Variants in WWOX observed in about 807,000 individuals in gnomAD.
The protein encoded by WWOX is WW domain-containing oxidoreductase.
Under a neutral mutation model 46.2 loss-of-function variants are expected in WWOX, and 69 were observed. The ratio of observed to expected loss-of-function variants is 1.49; its 90% confidence interval spans 1.23 to 1.82. The LOEUF (loss-of-function observed/expected upper bound fraction) is 1.82, where lower values mean the gene tolerates loss of function less well. Ranked by LOEUF, WWOX falls within the 40% of genes most tolerant of loss-of-function variation. The pLI is 0.00. For missense variants in WWOX, 919 were observed against 542.6 expected, an observed-to-expected ratio of 1.69 and a Z score of -6.89; for synonymous variants, 359 against 202.6, an observed-to-expected ratio of 1.77 and a Z score of -6.56.
chr16:79,165,925 C>G (rs958774664), intron 8 of WWOX, among the ~76,000 whole-genome samples: 3 of 152,192 alleles, frequency 2.0e-5, no homozygotes, highest in Non-Finnish European at 2.9e-5. Flanking sequence ...AACTCAATTA[C>G]CAGCCCTCTC....
intron 8 of WWOX, among the ~76,000 whole-genome samples, chr16:79,032,214 A>T (rs966911507): frequency 6.8e-6 from 1 of 146,200 alleles, no homozygotes; most frequent in African/African-American, 2.5e-5. Context: ...ATGTATATAC[A>T]CATATGTATA....
chr16:79,128,660 A>G (rs958024884), intron 8 of WWOX, among the ~76,000 whole-genome samples: 1 of 152,214 alleles, frequency 6.6e-6, no homozygotes, highest in African/African-American at 2.4e-5. Context: ...CACTCAACTG[A>G]GGAATTCTAA....
chr16:78,853,838 G>A (rs1337296543), intron 8 of WWOX, among the ~76,000 whole-genome samples: 2 of 152,110 alleles, frequency 1.3e-5, no homozygotes, highest in Non-Finnish European at 2.9e-5. Flanking sequence ...GAAGCCCTCA[G>A]CAATAGATCT....
At chr16:79,079,094 C>G (rs1039395390) in intron 8 of WWOX, among the ~76,000 whole-genome samples, 1 of 152,194 alleles carries the variant, frequency 6.6e-6, no homozygotes. Context: ...AAAATGACTT[C>G]TTGTTCATGT....
At chr16:78,576,376 G>T (rs956891621) in intron 8 of WWOX, among the ~76,000 whole-genome samples, 1 of 152,174 alleles carries the variant, frequency 6.6e-6, no homozygotes, top group Non-Finnish European at 1.5e-5. Context: ...GACATAGCTT[G>T]GTTTAGCATA....
At chr16:78,618,698 G>C (rs1177000409) in intron 8 of WWOX, among the ~76,000 whole-genome samples, 1 of 152,054 alleles carries the variant, frequency 6.6e-6, no homozygotes, top group Admixed American at 6.6e-5. Flanking sequence ...AATAAAGCTA[G>C]AGTTGCTTTC....
intron 8 of WWOX, among the ~76,000 whole-genome samples, chr16:78,528,981 T>A (rs893741967): frequency 6.7e-6 from 1 of 150,008 alleles, no homozygotes; most frequent in East Asian, 2.0e-4. Flanking sequence ...TTAGGGAGGG[T>A]CTGGCTGTAT....
intron 8 of WWOX, among the ~76,000 whole-genome samples, chr16:78,713,342 T>G (rs936338028): frequency 4.1e-5 from 6 of 144,734 alleles, no homozygotes; most frequent in Admixed American, 1.4e-4. Context: ...GGGCATGGTG[T>G]GAGCTGGAGT....
intron 5 of WWOX, among the ~76,000 whole-genome samples, chr16:78,374,566 T>A (rs1386703586): frequency 2.6e-4 from 33 of 126,264 alleles, no homozygotes; most frequent in Admixed American, 8.3e-4. Flanking sequence ...TTTTTTTTTT[T>A]AAGGCAGAGT....
chr16:78,205,739 C>A (rs1489389359), intron 5 of WWOX, among the ~76,000 whole-genome samples: 3 of 152,046 alleles, frequency 2.0e-5, no homozygotes, highest in African/African-American at 7.2e-5. Context: ...TTGTTTTCTT[C>A]CTTCTATCCA....
intron 1 of WWOX, among the ~76,000 whole-genome samples, chr16:78,103,109 C>T (rs900858673): frequency 2.6e-5 from 4 of 152,156 alleles, no homozygotes; most frequent in African/African-American, 9.7e-5. Flanking sequence ...GCTGCCTGGC[C>T]TTTCTCCCAT....
At chr16:78,932,299 T>C (rs1039748681) in intron 8 of WWOX, among the ~76,000 whole-genome samples, 7 of 152,184 alleles carry the variant, frequency 4.6e-5, no homozygotes, top group Non-Finnish European at 1.0e-4. Context: ...AAGTGCTTCT[T>C]GTACTGACCA....
intron 8 of WWOX, among the ~76,000 whole-genome samples, chr16:79,003,275 A>T (rs768792969): frequency 6.6e-6 from 1 of 152,182 alleles, no homozygotes; most frequent in Non-Finnish European, 1.5e-5. Context: ...ATGAAACTGA[A>T]AGGCAATCAA....
At chr16:78,488,516 A>G (rs1332901447) in intron 8 of WWOX, among the ~76,000 whole-genome samples, 1 of 152,144 alleles carries the variant, frequency 6.6e-6, no homozygotes, top group African/African-American at 2.4e-5. Flanking sequence ...TGGATTTACC[A>G]TTGTGGCATC....
intron 8 of WWOX, among the ~76,000 whole-genome samples, chr16:78,899,841 A>C (rs1033872119): frequency 1.3e-5 from 2 of 152,162 alleles, no homozygotes; most frequent in Admixed American, 6.5e-5. Flanking sequence ...GTTTTGTTCC[A>C]CTGGCTCCTA....
At chr16:78,332,014 T>G (rs2080768886) in intron 5 of WWOX, among the ~76,000 whole-genome samples, 1 of 152,166 alleles carries the variant, frequency 6.6e-6, no homozygotes, top group African/African-American at 2.4e-5. Flanking sequence ...AAGGTCAAGT[T>G]TGGAACGCCA....
chr16:78,483,696 C>T (rs1037891807), intron 8 of WWOX, among the ~76,000 whole-genome samples: 1 of 152,130 alleles, frequency 6.6e-6, no homozygotes, highest in African/African-American at 2.4e-5. Flanking sequence ...AATGTGTGGC[C>T]AATCTCACAA....
chr16:78,451,830 C>A (rs2083697300), intron 8 of WWOX, among the ~76,000 whole-genome samples: 1 of 152,186 alleles, frequency 6.6e-6, no homozygotes, highest in Non-Finnish European at 1.5e-5. Context: ...AGTTACATCA[C>A]AGCAGGTGAG....
chr16:78,419,328 C>T (rs1250203907), intron 6 of WWOX, among the ~76,000 whole-genome samples: 1 of 151,966 alleles, frequency 6.6e-6, no homozygotes, highest in Middle Eastern at 3.2e-3. Context: ...ACCTGAATAA[C>T]CAAAACAAGC....
Sources: allele counts gnomAD v4.1 joint callset (sites outside exome capture counted in the v4.1 genomes callset), GRCh38; gene constraint gnomAD v4.1.1; transcripts MANE v1.5; gene names NCBI Gene and HGNC (gene_info 2026-07-23, HGNC 2026-07-21).